FRMPD3: variants seen among roughly 807,000 people sequenced by gnomAD.
FRMPD3 encodes FERM and PDZ domain-containing protein 3.
A neutral mutation model predicts 97.9 loss-of-function variants in FRMPD3; 42 were observed. The observed-to-expected ratio is 0.43, with a 90% CI of 0.34 to 0.55. FRMPD3 has a LOEUF of 0.55. Among genes scored for constraint, FRMPD3 ranks in the 20% least tolerant of loss-of-function variants. The probability of loss-of-function intolerance (pLI) is 0.03; values close to 1 mark genes in which losing one functional copy is unlikely to be tolerated. For missense variants in FRMPD3, 1,303 were observed against 1,457.7 expected, an observed-to-expected ratio of 0.89 and a Z score of 1.73; for synonymous variants, 577 against 581.1, an observed-to-expected ratio of 0.99 and a Z score of 0.10.
In FRMPD3 at chrX:107,604,941, G is replaced by C. The variant is rs997125644; in HGVS notation, c.*1568G>C. On this transcript the variant is annotated 3_prime_UTR_variant, in exon 15 of 15. Coordinates refer to ENST00000683843, the MANE Select transcript of FRMPD3 (RefSeq NM_001388459.1). ...GCAGAATCCAGCCCCTCACTTCCTT[G>C]CTTCTCCTCCCCCAGGACCAAGTTG... 1.8e-5 allele frequency: 2 copies of C among 110,100 alleles called. No individual in the cohort carries two copies. The highest frequency in any genetic ancestry group is 1.9e-5 in the Non-Finnish European group (1 of 52,786). 9.1% of individuals were successfully genotyped at this position (110,100 alleles called of 1,213,427 possible).
intron 1 of FRMPD3, among the ~76,000 whole-genome samples, chrX:107,463,851 G>T (rs1001942631): frequency 1.8e-5 from 2 of 112,402 alleles, no homozygotes; most frequent in Non-Finnish European, 3.8e-5. Context: ...TAGTTTATCA[G>T]ATTAACTAGC....
chrX:107,583,254 A>G lies in FRMPD3; in HGVS notation c.1441+6795A>G, dbSNP rs1010265674. On this transcript the variant is annotated intron_variant, in intron 13 of 14. Transcript: ENST00000683843. ...CCCTCCCCTCGCTCCCCCACCCCCAACAGGCCCAGGTGTGTGTTGTTACCC... is the reference window on the plus strand; with the variant it reads ...CCCTCCCCTCGCTCCCCCACCCCCAGCAGGCCCAGGTGTGTGTTGTTACCC... Among the ~76,000 whole-genome samples, 4 of 109,105 alleles carry G rather than the reference A, an allele frequency of 3.7e-5. No homozygotes were observed. The East Asian group carries it at 1.2e-3, about 32-fold the overall frequency. 94.7% of individuals were successfully genotyped at this position (109,105 alleles called of 115,157 possible).
At chrX:107,487,938 C>G (rs1292621002) in intron 1 of FRMPD3, among the ~76,000 whole-genome samples, 1 of 112,080 alleles carries the variant, frequency 8.9e-6, no homozygotes, top group Non-Finnish European at 1.9e-5. Context: ...GCACAAACAA[C>G]TGAACATTTA....
chrX:107,542,445 C>A (rs1569419366), intron 4 of FRMPD3, among the ~76,000 whole-genome samples: 1 of 111,841 alleles, frequency 8.9e-6, no homozygotes, highest in African/African-American at 3.2e-5. Flanking sequence ...GATGCTCAGA[C>A]CTCACCCCCA....
intron 10 of FRMPD3, among the ~76,000 whole-genome samples, chrX:107,562,119 G>A (rs1221645139): frequency 8.9e-6 from 1 of 112,579 alleles, no homozygotes; most frequent in African/African-American, 3.2e-5. Flanking sequence ...GGTCATGGGA[G>A]GAAGTGTTTC....
intron 2 of FRMPD3, 80 bp from the exon 3 acceptor site, chrX:107,530,329 C>A: frequency 1.3e-6 from 1 of 754,596 alleles, no homozygotes; most frequent in Non-Finnish European, 2.0e-6. Flanking sequence ...TCAGCTCCTA[C>A]AGGCACAGGG....
intron 1 of FRMPD3, among the ~76,000 whole-genome samples, chrX:107,480,607 A>G (rs1272994491): frequency 9.2e-6 from 1 of 109,206 alleles, no homozygotes; most frequent in Admixed American, 9.9e-5. Flanking sequence ...AGGCAGGTGG[A>G]TCACCTGAGG....
chrX:107,555,421 G>A (rs767418499), intron 8 of FRMPD3, among the ~76,000 whole-genome samples: 1 of 111,979 alleles, frequency 8.9e-6, no homozygotes, highest in Non-Finnish European at 1.9e-5. Context: ...TGGAGTGGTA[G>A]CATCAGCATC....
At chrX:107,519,738 G>C (rs1273680399) in intron 1 of FRMPD3, among the ~76,000 whole-genome samples, 1 of 111,326 alleles carries the variant, frequency 9.0e-6, no homozygotes, top group Admixed American at 9.6e-5. Context: ...AGAAGGAGGA[G>C]TAATGGCCTG....
At chrX:107,557,651 T>TCCATCAAA (rs1321402512) in intron 8 of FRMPD3, among the ~76,000 whole-genome samples, 5 of 99,505 alleles carry the variant, frequency 5.0e-5, no homozygotes, top group African/African-American at 2.0e-4. Flanking sequence ...GTGCAAGGTA[T>TCCATCAAA]CCATCAAAGT....
Position 107,601,993 on chromosome X carries a change from C to T in FRMPD3, c.3954C>T (p.Pro1318=). ...CACAAGCCACCCAGACACCAGTGCC[C>T]AGCCTCCGGGGGAGGGAAAGGGACA... is the stretch of plus-strand genomic sequence containing the variant. ...GRPQATQTPV[P]SLRGRERDRV... Residue 1318 remains proline, a synonymous_variant, in exon 15 of 15, where the codon CCC becomes CCT. Coordinates refer to ENST00000683843, the MANE Select transcript of FRMPD3 (RefSeq NM_001388459.1). The T allele has an allele frequency of 2.6e-6, 3 of 1,168,842 alleles. No individual in the cohort carries two copies. Among genetic ancestry groups the T allele is most frequent in the Non-Finnish European group, 3.4e-6 (3 of 876,048 alleles).
chrX:107,575,292 T>C (rs1182613777), intron 12 of FRMPD3, among the ~76,000 whole-genome samples: 2 of 112,090 alleles, frequency 1.8e-5, no homozygotes, highest in Non-Finnish European at 3.8e-5. Context: ...AGTGCACAAC[T>C]ATATATTAAA....
In FRMPD3 at chrX:107,449,898, T is replaced by C. The variant is rs767353541; in HGVS notation, c.-115T>C. On this transcript the variant is annotated 5_prime_UTR_variant, in exon 1 of 15. Transcript: ENST00000683843. ...GGGGGCACGGGTGCCCTAGTCCCGC[T>C]GCCGCCGCCGCCGCCGCCGCCGCTG... Among the ~76,000 whole-genome samples the C allele has an allele frequency of 3.7e-5, 4 of 107,695 alleles. No homozygotes were observed. Among genetic ancestry groups the C allele is most frequent in the Non-Finnish European group, 7.8e-5 (4 of 51,396 alleles). The allele number at this position is 107,695 out of a possible 115,157, so 93.5% of individuals were successfully genotyped here. A position where few individuals can be genotyped will look rare whatever the true frequency, so the allele number is the denominator to read the frequency against.
chrX:107,452,590 G>A (rs1319848421), intron 1 of FRMPD3, among the ~76,000 whole-genome samples: 1 of 111,678 alleles, frequency 9.0e-6, no homozygotes. Context: ...CCTGAACTCA[G>A]TAAGTGCCCC....
At chrX:107,544,222 G>T (rs189599180) in intron 4 of FRMPD3, among the ~76,000 whole-genome samples, 3 of 111,672 alleles carry the variant, frequency 2.7e-5, no homozygotes, top group African/African-American at 9.8e-5. Context: ...ATAGAATGGT[G>T]ATCACTAGAG....
At chrX:107,479,863 CACAG>C (rs1243913838) in intron 1 of FRMPD3, among the ~76,000 whole-genome samples, 48 of 104,198 alleles carry the variant, frequency 4.6e-4, no homozygotes, top group East Asian at 9.1e-4. Flanking sequence ...CACACACACA[CACAG>C]AGAGAGAGAG....
In FRMPD3 at chrX:107,464,042, G is replaced by A. The variant is rs758574306; in HGVS notation, c.-8+14037G>A. Among the ~76,000 whole-genome samples the A allele has an allele frequency of 1.6e-4, 18 of 111,456 alleles. No homozygotes were observed. The East Asian group carries it at 5.1e-3, about 32-fold the overall frequency. Reference sequence around the variant, plus strand: ...CTCTTTTCTGTGATAAACTAGAAAGGGTCTCAGTGACATAGACAAAAACAT... The same window carrying A: ...CTCTTTTCTGTGATAAACTAGAAAGAGTCTCAGTGACATAGACAAAAACAT... On this transcript the variant is annotated intron_variant, in intron 1 of 14. Transcript: ENST00000683843.
chrX:107,533,663 T>C (rs867664823), intron 4 of FRMPD3, 113 bp downstream of exon 4: 1 of 642,031 alleles, frequency 1.6e-6, no homozygotes, highest in Non-Finnish European at 2.5e-6. Context: ...AACCAACATA[T>C]GAGCCAAGGA....
intron 14 of FRMPD3, among the ~76,000 whole-genome samples, chrX:107,598,732 C>A: frequency 8.9e-6 from 1 of 112,382 alleles, no homozygotes; most frequent in Non-Finnish European, 1.9e-5. Context: ...AAAAGTAGTT[C>A]TATCACATGG....
Sources: gnomAD v4.1 joint callset for allele counts (sites outside exome capture counted in the v4.1 genomes callset) on GRCh38, gnomAD v4.1.1 for gene constraint, MANE v1.5 for transcripts, NCBI Gene and HGNC (gene_info 2026-07-23, HGNC 2026-07-21) for gene names.